Variants in FAM171B observed in about 807,000 individuals in gnomAD.
FAM171B encodes the protein family with sequence similarity 171 member B, also known as protein FAM171B.
Under a neutral mutation model 75.6 loss-of-function variants are expected in FAM171B, and 19 were observed. The observed-to-expected ratio is 0.25, with a 90% CI of 0.18 to 0.37. The LOEUF (loss-of-function observed/expected upper bound fraction) is 0.37. Among genes scored for constraint, FAM171B ranks in the 10% least tolerant of loss-of-function variants. FAM171B has a pLI of 1.00. For missense variants in FAM171B, 848 were observed against 982.4 expected, an observed-to-expected ratio of 0.86 and a Z score of 1.83; for synonymous variants, 367 against 361.7, an observed-to-expected ratio of 1.01 and a Z score of -0.17.
chr2:186,694,131 CG>C lies in FAM171B; in HGVS notation c.-41del, dbSNP rs1689536264. The C allele has an allele frequency of 6.8e-7, 1 of 1,463,732 alleles. No individual in the cohort carries two copies. Among genetic ancestry groups the C allele is most frequent in the African/African-American group, 1.5e-5 (1 of 68,432 alleles). The allele number at this position is 1,463,732 out of a possible 1,614,324, so 90.7% of individuals were successfully genotyped here. On this transcript the variant is annotated 5_prime_UTR_variant, in exon 1 of 8. Coordinates refer to ENST00000304698, the MANE Select transcript of FAM171B (RefSeq NM_177454.4). ...CGCAGCCCTGGCGCCCGCCGCCGCC[CG>C]GAGCCCCGCAATATGCCGCCGCGGC...
At chr2:186,736,466 C>T (rs1371401021) in intron 1 of FAM171B, among the ~76,000 whole-genome samples, 1 of 151,120 alleles carries the variant, frequency 6.6e-6, no homozygotes, top group African/African-American at 2.4e-5. Flanking sequence ...TGGCTTATTA[C>T]CCTCAGCACA....
At chr2:186,696,640 A>G (rs1451532890) in intron 1 of FAM171B, among the ~76,000 whole-genome samples, 3 of 150,688 alleles carry the variant, frequency 2.0e-5, no homozygotes, top group East Asian at 3.9e-4. Flanking sequence ...TAGCCACACT[A>G]GCTCTATTTT....
At chr2:186,704,675 A>G (rs1186298652) in intron 1 of FAM171B, among the ~76,000 whole-genome samples, 1 of 152,220 alleles carries the variant, frequency 6.6e-6, no homozygotes, top group Non-Finnish European at 1.5e-5. Flanking sequence ...CATAATCTAA[A>G]ACTTTCACTA....
At chr2:186,740,797 A>G (rs1239908199) in intron 2 of FAM171B, among the ~76,000 whole-genome samples, 1 of 152,204 alleles carries the variant, frequency 6.6e-6, no homozygotes, top group African/African-American at 2.4e-5. Context: ...CTCACATGGT[A>G]GAATGGGCAA....
intron 1 of FAM171B, among the ~76,000 whole-genome samples, chr2:186,706,993 A>G (rs1031812685): frequency 9.8e-5 from 15 of 152,302 alleles, no homozygotes; most frequent in African/African-American, 2.9e-4. Flanking sequence ...TTTCTGTTTA[A>G]CATTCTGTGA....
intron 1 of FAM171B, among the ~76,000 whole-genome samples, chr2:186,704,049 A>G (rs1689701982): frequency 1.3e-5 from 2 of 152,204 alleles, no homozygotes; most frequent in African/African-American, 2.4e-5. Context: ...ACTTATTTAT[A>G]TTTAAATGAA....
intron 1 of FAM171B, among the ~76,000 whole-genome samples, chr2:186,696,447 T>C (rs1689582401): frequency 1.0e-5 from 1 of 98,622 alleles, no homozygotes; most frequent in African/African-American, 3.6e-5. Context: ...CTCACACAGC[T>C]AGCGATCTTT....
intron 4 of FAM171B, among the ~76,000 whole-genome samples, chr2:186,749,455 T>A (rs1362856865): frequency 6.6e-6 from 1 of 152,218 alleles, no homozygotes; most frequent in Admixed American, 6.5e-5. Flanking sequence ...TATATAACAT[T>A]TGATTTGTGC....
chr2:186,761,530 G>C lies in FAM171B; in HGVS notation c.1188G>C (p.Glu396Asp). Residue 396 changes from glutamate (E) to aspartate (D), a missense_variant, in exon 8 of 8, where the codon GAG becomes GAC. Physicochemically the swap from Glu to Asp is conservative, Grantham distance 45. Around this residue, in one of 3 missense-constraint regions of FAM171B, gnomAD observed 665 missense variants for 729.0 expected, o/e 0.91. Coordinates refer to ENST00000304698, the MANE Select transcript of FAM171B (RefSeq NM_177454.4). ...QKRERNITKL[E>D]VLKRDQTTST... ...GAGAAAGAAATATCACTAAACTTGAGGTCCTCAAGAGAGACCAGACAACTT... is the reference window on the plus strand; with the variant it reads ...GAGAAAGAAATATCACTAAACTTGACGTCCTCAAGAGAGACCAGACAACTT... 1 of 1,594,070 alleles carries C rather than the reference G, an allele frequency of 6.3e-7. No individual in the cohort carries two copies. Among genetic ancestry groups the C allele is most frequent in the Non-Finnish European group, 8.5e-7 (1 of 1,174,560 alleles).
At chr2:186,726,377 T>A (rs192177148) in intron 1 of FAM171B, among the ~76,000 whole-genome samples, 96 of 152,346 alleles carry the variant, frequency 6.3e-4, no homozygotes, top group African/African-American at 1.8e-3. Context: ...TGATTTTTTT[T>A]AATTCAGCAC....
rs767276043 is a variant in FAM171B at position 186,762,851 on chromosome 2, C to T, written c.*28C>T. On this transcript the variant is annotated 3_prime_UTR_variant, in exon 8 of 8. Coordinates refer to ENST00000304698, the MANE Select transcript of FAM171B (RefSeq NM_177454.4). This position sits in a 1 kb window ranked among gnomAD's most constrained non-coding sequence, Gnocchi z 4.0. ...CCAATGGGGATTGTGTGTCTGCTGT[C>T]TCGTGCTGTTTATTCTTGCTTCTTG... 1.2e-5 allele frequency: 19 copies of T among 1,579,508 alleles called. No individual in the cohort carries two copies. Among genetic ancestry groups the T allele is most frequent in the Non-Finnish European group, 1.6e-5 (19 of 1,164,128 alleles).
chr2:186,708,121 T>C (rs1689758831), intron 1 of FAM171B, among the ~76,000 whole-genome samples: 1 of 152,210 alleles, frequency 6.6e-6, no homozygotes, highest in African/African-American at 2.4e-5. Flanking sequence ...AATATGTTCT[T>C]TCATTCACAT....
At chr2:186,695,743 A>G (rs1347275847) in intron 1 of FAM171B, among the ~76,000 whole-genome samples, 8 of 152,324 alleles carry the variant, frequency 5.3e-5, no homozygotes, top group East Asian at 3.9e-4. Context: ...TATACAGTGT[A>G]TGGTGGTTTT....
At chr2:186,741,000 G>A (rs1451582655) in intron 2 of FAM171B, among the ~76,000 whole-genome samples, 1 of 151,904 alleles carries the variant, frequency 6.6e-6, no homozygotes, top group East Asian at 1.9e-4. Flanking sequence ...ATCTCCTAGG[G>A]GCAATTTGCC....
intron 6 of FAM171B, among the ~76,000 whole-genome samples, chr2:186,754,273 G>A (rs1208309863): frequency 6.6e-6 from 1 of 152,148 alleles, no homozygotes; most frequent in Non-Finnish European, 1.5e-5. Flanking sequence ...GAAGAATGAA[G>A]TTTGTTCAAA....
At chr2:186,717,373 T>C (rs553509403) in intron 1 of FAM171B, among the ~76,000 whole-genome samples, 1 of 152,180 alleles carries the variant, frequency 6.6e-6, no homozygotes, top group East Asian at 1.9e-4. Flanking sequence ...TGAGGAGAGA[T>C]CCATACATAA....
intron 6 of FAM171B, among the ~76,000 whole-genome samples, chr2:186,758,304 T>A (rs777831296): frequency 6.6e-6 from 1 of 151,874 alleles, no homozygotes; most frequent in Non-Finnish European, 1.5e-5. Context: ...GAGGTGAGAG[T>A]TCCAATTCAG....
chr2:186,732,732 A>G (rs1016586200), intron 1 of FAM171B, among the ~76,000 whole-genome samples: 1 of 152,126 alleles, frequency 6.6e-6, no homozygotes, highest in Non-Finnish European at 1.5e-5. Context: ...AGCACTTGGG[A>G]GCGGCTGCAT....
At chr2:186,740,518 T>G (rs1690274354) in intron 2 of FAM171B, 57 bp downstream of exon 2, 3 of 1,419,288 alleles carry the variant, frequency 2.1e-6, no homozygotes, top group Non-Finnish European at 2.9e-6. Flanking sequence ...ATGAATTATT[T>G]TCTCTGTTTG....
Sources: allele counts gnomAD v4.1 joint callset (sites outside exome capture counted in the v4.1 genomes callset), GRCh38; gene constraint gnomAD v4.1.1; regional missense constraint gnomAD v4.1.1; non-coding constraint Gnocchi (gnomAD v3.1); transcripts MANE v1.5; gene names NCBI Gene and HGNC (gene_info 2026-07-23, HGNC 2026-07-21).